The following DAP3 variants were observed in gnomAD, a reference collection of about 807,000 sequenced individuals.
DAP3 encodes the protein death associated protein 3, also known as small ribosomal subunit protein mS29.
DAP3 carries 28 observed loss-of-function variants against 51.9 expected under a neutral mutation model. That is an observed-to-expected ratio of 0.54 (90% CI 0.40 to 0.74). The LOEUF (loss-of-function observed/expected upper bound fraction) is 0.74, where lower values mean the gene tolerates loss of function less well. DAP3 is among the 30% of genes least tolerant of loss of function. DAP3 has a pLI of 0.00. For synonymous variants in DAP3, 170 were observed against 170.3 expected (o/e 1.00, Z 0.01); for missense variants, 458 against 483.5 (o/e 0.95, Z 0.49).
chr1:155,716,579 A>C (rs1657366169), intron 2 of DAP3, among the ~76,000 whole-genome samples: 1 of 151,936 alleles, frequency 6.6e-6, no homozygotes, highest in Non-Finnish European at 1.5e-5. Context: ...TCTCAAAAAA[A>C]AAAAGAAAAA....
At chr1:155,715,919 C>A (rs1657275434) in intron 2 of DAP3, among the ~76,000 whole-genome samples, 1 of 152,148 alleles carries the variant, frequency 6.6e-6, no homozygotes. Context: ...ATCCTTTATT[C>A]CAGGGCACAA....
rs916593807 is a variant in DAP3 at position 155,692,539 on chromosome 1, A to G, written c.-8+3365A>G. 1.4e-5 allele frequency among the ~76,000 whole-genome samples: 2 copies of G among 142,114 alleles called. 1 individual carries two copies. Among genetic ancestry groups the G allele is most frequent in the African/African-American group, 6.3e-5 (2 of 31,558 alleles). The allele number at this position is 142,114 out of a possible 152,430, so 93.2% of individuals were successfully genotyped here. On this transcript the variant is annotated intron_variant, in intron 1 of 12. Transcript: ENST00000368336. ...GATAGTTGATTCTCTAACGGTCTTAATCCACTTAAGAGGATTTATGTTTGA... is the reference window on the plus strand; with the variant it reads ...GATAGTTGATTCTCTAACGGTCTTAGTCCACTTAAGAGGATTTATGTTTGA...
chr1:155,737,173 A>G, intron 12 of DAP3, 110 bp downstream of exon 12: 1 of 788,890 alleles, frequency 1.3e-6, no homozygotes, highest in Non-Finnish European at 2.1e-6. Context: ...TTTGTACTTC[A>G]TCCTTTATCT....
intron 1 of DAP3, among the ~76,000 whole-genome samples, chr1:155,697,136 G>A (rs904177564): frequency 3.3e-5 from 5 of 152,008 alleles, no homozygotes; most frequent in African/African-American, 4.8e-5. Flanking sequence ...CTGAGGGAGC[G>A]GCCACTGTTC....
In DAP3 at chr1:155,737,047, G is replaced by T; in HGVS notation, c.1095G>T (p.Trp365Cys). The change falls in exon 12 of 13, where the codon TGG becomes TGT. Residue 365 changes from tryptophan to cysteine, a missense_variant. Coordinates refer to ENST00000368336, the MANE Select transcript of DAP3 (RefSeq NM_004632.4). ...SCIQYYLENN[W>C]LQHEKAPTEE... ...TTCAGTATTATTTGGAAAACAATTGGCTTCAACATGAGAAAGGTCCATCAT... is the reference window on the plus strand; with the variant it reads ...TTCAGTATTATTTGGAAAACAATTGTCTTCAACATGAGAAAGGTCCATCAT... 6.2e-7 allele frequency: 1 copy of T among 1,612,544 alleles called. No homozygotes were observed. Among genetic ancestry groups the T allele is most frequent in the South Asian group, 1.1e-5 (1 of 91,016 alleles).
intron 6 of DAP3, chr1:155,726,943 C>G (rs1446281751): frequency 6.6e-6 from 1 of 152,136 alleles, no homozygotes; most frequent in Non-Finnish European, 1.5e-5. Context: ...CTTCCTGAAG[C>G]CTTTTGATGC....
chr1:155,711,229 A>C (rs538403033), intron 2 of DAP3, among the ~76,000 whole-genome samples: 1 of 152,258 alleles, frequency 6.6e-6, no homozygotes, highest in African/African-American at 2.4e-5. Flanking sequence ...ACAGTAGCTC[A>C]TGCCTGTAAT....
chr1:155,720,230 C>T (rs772303403), intron 3 of DAP3, among the ~76,000 whole-genome samples: 10 of 131,842 alleles, frequency 7.6e-5, no homozygotes, highest in Non-Finnish European at 1.2e-4. Flanking sequence ...GAGGCTGAGG[C>T]GGGAGGATCT....
At chr1:155,709,953 GAAT>G in intron 2 of DAP3, 129 bp downstream of exon 2, 1 of 749,698 alleles carries the variant, frequency 1.3e-6, no homozygotes, top group Non-Finnish European at 2.2e-6. Flanking sequence ...GGTTTCAGTA[GAAT>G]AATTGTGCTT....
At chr1:155,729,942 T>C (rs1028146324) in intron 9 of DAP3, among the ~76,000 whole-genome samples, 1 of 151,544 alleles carries the variant, frequency 6.6e-6, no homozygotes, top group Admixed American at 6.6e-5. Flanking sequence ...TAGCCGGGCA[T>C]GGTGGTGCAT....
At chr1:155,691,423 A>G (rs1190116466) in intron 1 of DAP3, among the ~76,000 whole-genome samples, 1 of 142,332 alleles carries the variant, frequency 7.0e-6, no homozygotes, top group Non-Finnish European at 1.5e-5. Flanking sequence ...GTAATGCATC[A>G]GAACTTTGTT....
intron 11 of DAP3, among the ~76,000 whole-genome samples, chr1:155,732,355 A>G (rs935578132): frequency 2.7e-5 from 4 of 150,584 alleles, no homozygotes; most frequent in African/African-American, 9.8e-5. Flanking sequence ...TCGGCCTCCT[A>G]AGTAGCTGGG....
In DAP3 at chr1:155,709,758, T is replaced by G; in HGVS notation, c.-7-15T>G. On this transcript the variant is annotated splice_polypyrimidine_tract_variant and intron_variant, in intron 1 of 12. Transcript: ENST00000368336. The stretch of plus-strand genomic sequence containing the variant: ...TTTGTGGTTTACCTTTTCACTTTTT[T>G]TTTTTTTGTAACAGTGCAAGGATGA... The G allele has an allele frequency of 2.5e-6, 4 of 1,604,796 alleles. No homozygotes were observed. The highest frequency in any genetic ancestry group is 3.4e-6 in the Non-Finnish European group (4 of 1,177,194).
intron 11 of DAP3, among the ~76,000 whole-genome samples, chr1:155,734,641 C>G (rs182177294): frequency 6.6e-6 from 1 of 152,160 alleles, no homozygotes; most frequent in South Asian, 2.1e-4. Flanking sequence ...CCTAGGTATA[C>G]TCACTGCTAC....
Position 155,709,811 on chromosome 1 carries a change from C to G in DAP3, c.32C>G (p.Ser11Cys). The part of the protein sequence containing the change: MMLKGITRLI[S>C]RIHKLDPGRF... ...CTGAAAGGAATAACAAGGCTTATCT[C>G]TAGGATCCATAAGGTGAGTCCTGAC... Residue 11 changes from serine (S) to cysteine (C), a missense_variant, in exon 2 of 13, where the codon TCT becomes TGT. Ser to Cys is a moderately radical substitution (Grantham distance 112, BLOSUM62 -1). Coordinates refer to ENST00000368336, the MANE Select transcript of DAP3 (RefSeq NM_004632.4). The G allele has an allele frequency of 6.2e-7, 1 of 1,612,804 alleles. No individual in the cohort carries two copies. Among genetic ancestry groups the G allele is most frequent in the Non-Finnish European group, 8.5e-7 (1 of 1,179,734 alleles).
In DAP3 at chr1:155,736,991, A is replaced by G. The variant is rs1300706225; in HGVS notation, c.1039A>G (p.Asn347Asp). 1.2e-6 allele frequency: 2 copies of G among 1,614,166 alleles called. No homozygotes were observed. Among genetic ancestry groups the G allele is most frequent in the East Asian group, 4.5e-5 (2 of 44,874 alleles). ...TCCCTTTATTCCCATCCTGGTTTCC[A>G]ACTATAACCCAAAGGAATTTGAAAG... is the stretch of plus-strand genomic sequence containing the variant. ...LDPFIPILVS[N>D]YNPKEFESCI... Residue 347 changes from asparagine (N) to aspartate (D), a missense_variant, in exon 12 of 13, where the codon AAC becomes GAC. Asn to Asp is a conservative substitution (Grantham distance 23). Transcript: ENST00000368336.
chr1:155,719,920 G>A (rs1387056688), intron 3 of DAP3, among the ~76,000 whole-genome samples: 2 of 152,102 alleles, frequency 1.3e-5, no homozygotes, highest in Non-Finnish European at 2.9e-5. Flanking sequence ...TAGGTACAAG[G>A]ATCACTTGAG....
At chr1:155,701,956 G>C (rs1655338860) in intron 1 of DAP3, among the ~76,000 whole-genome samples, 1 of 150,762 alleles carries the variant, frequency 6.6e-6, no homozygotes, top group Admixed American at 6.6e-5. Flanking sequence ...GGAAGTAGCT[G>C]ACAGCAAAAC....
Position 155,725,406 on chromosome 1 carries a change from C to T in DAP3, c.295C>T (p.Leu99=). Residue 99 remains leucine (L), a synonymous_variant, in exon 5 of 13, where the codon CTG becomes TTG. Coordinates refer to ENST00000368336, the MANE Select transcript of DAP3 (RefSeq NM_004632.4). ...MQVKTFSEAC[L]MVRKPALELL... is the part of the protein sequence containing the mutation. ...GGTGAAGACATTCAGTGAAGCTTGC[C>T]TGATGGTAAGGAAACCAGCCCTAGA... is the stretch of plus-strand genomic sequence containing the variant. 6.2e-7 allele frequency: 1 copy of T among 1,614,098 alleles called. No individual in the cohort carries two copies. Among genetic ancestry groups the T allele is most frequent in the South Asian group, 1.1e-5 (1 of 91,074 alleles).
Sources: allele counts gnomAD v4.1 joint callset (sites outside exome capture counted in the v4.1 genomes callset), GRCh38; gene constraint gnomAD v4.1.1; transcripts MANE v1.5; gene names NCBI Gene and HGNC (gene_info 2026-07-23, HGNC 2026-07-21).